Variants in NCKAP5 observed in about 807,000 individuals in gnomAD.
NCKAP5 encodes nck-associated protein 5.
A neutral mutation model predicts 167.0 loss-of-function variants in NCKAP5; 92 were observed. The observed-to-expected ratio is 0.55, with a 90% confidence interval of 0.47 to 0.66. The LOEUF (loss-of-function observed/expected upper bound fraction) is 0.66. NCKAP5 is among the 30% of genes least tolerant of loss of function. NCKAP5 has a pLI of 0.00. For synonymous variants in NCKAP5, 891 were observed against 877.4 expected, an observed-to-expected ratio of 1.02 and a Z score of -0.27; for missense variants, 2,378 against 2,315.0, an observed-to-expected ratio of 1.03 and a Z score of -0.56.
At position 132,783,028 on chromosome 2, in the gene NCKAP5, G is replaced by A. The variant is rs1395430121; in HGVS notation, c.3783C>T (p.His1261=). The A allele has an allele frequency of 1.2e-6, 2 of 1,613,906 alleles. No individual in the cohort carries two copies. Among genetic ancestry groups the A allele is most frequent in the Non-Finnish European group, 1.7e-6 (2 of 1,179,866 alleles). Reference sequence around the variant, plus strand: ...CATTCATACCCAGAGCTGGTTTTAGGTGTGGTTTGCTGGAGGAAAGGGATC... The same window carrying A: ...CATTCATACCCAGAGCTGGTTTTAGATGTGGTTTGCTGGAGGAAAGGGATC... ...MRRSLSSSKP[H]LKPALGMNGA... is the part of the protein sequence containing the mutation. Residue 1261 remains histidine, a synonymous_variant, in exon 14 of 20, where the codon CAC becomes CAT. Coordinates refer to ENST00000409261, the MANE Select transcript of NCKAP5 (RefSeq NM_207363.3).
intron 6 of NCKAP5, among the ~76,000 whole-genome samples, chr2:133,010,763 T>C (rs907150436): frequency 1.3e-5 from 2 of 152,198 alleles, no homozygotes; most frequent in Non-Finnish European, 2.9e-5. Flanking sequence ...AATACAAGCT[T>C]TTATACAGCA....
intron 8 of NCKAP5, among the ~76,000 whole-genome samples, chr2:132,881,937 A>G (rs963524112): frequency 6.6e-6 from 1 of 152,176 alleles, no homozygotes; most frequent in Non-Finnish European, 1.5e-5. Flanking sequence ...CCTTGGTTGC[A>G]TATGGTGACT....
intron 7 of NCKAP5, among the ~76,000 whole-genome samples, chr2:132,983,844 G>C (rs1004535010): frequency 6.6e-6 from 1 of 152,194 alleles, no homozygotes; most frequent in Admixed American, 6.5e-5. Context: ...TTTAGGATTA[G>C]ATAGCCCTTC....
chr2:133,574,754 C>A, the NCKAP5 span, among the ~76,000 whole-genome samples: 1 of 152,056 alleles, frequency 6.6e-6, no homozygotes, highest in African/African-American at 2.4e-5. Flanking sequence ...GAAAAGGCAT[C>A]CTTACAGATC....
rs1383872008 is a variant in NCKAP5, at chr2:132,785,236, T to C, written c.1575A>G (p.Thr525=). 1.3e-6 allele frequency: 2 copies of C among 1,570,744 alleles called. No individual in the cohort carries two copies. Among genetic ancestry groups the C allele is most frequent in the East Asian group, 4.5e-5 (2 of 44,530 alleles). The change falls in exon 14 of 20, where the codon ACA becomes ACG. Residue 525 remains threonine (T), a synonymous_variant. Coordinates refer to ENST00000409261, the MANE Select transcript of NCKAP5 (RefSeq NM_207363.3). The part of the protein sequence containing the change: ...ETNRKHFLEG[T]SSVYPKERPE... ...GCCTTTCCTTGGGATAAACTGAGGA[T>C]GTGCCTTCCAGAAAGTGTTTTCTGT...
At chr2:132,751,564 T>C (rs1317702345) in intron 16 of NCKAP5, among the ~76,000 whole-genome samples, 1 of 152,184 alleles carries the variant, frequency 6.6e-6, no homozygotes, top group Non-Finnish European at 1.5e-5. Context: ...CACTAATGGG[T>C]ATGGTTTATT....
intron 3 of NCKAP5, among the ~76,000 whole-genome samples, chr2:133,448,732 C>A (rs906093751): frequency 2.6e-5 from 4 of 152,156 alleles, no homozygotes; most frequent in Non-Finnish European, 5.9e-5. Context: ...CTTGACCCCC[C>A]AGGCTCAGGA....
intron 3 of NCKAP5, among the ~76,000 whole-genome samples, chr2:133,327,884 C>G (rs989260417): frequency 2.6e-5 from 4 of 152,074 alleles, no homozygotes; most frequent in African/African-American, 9.7e-5. Context: ...TCTGTCATAC[C>G]TGGGAGAGAG....
At chr2:133,134,565 A>G (rs559970643) in intron 5 of NCKAP5, among the ~76,000 whole-genome samples, 5 of 152,348 alleles carry the variant, frequency 3.3e-5, no homozygotes, top group African/African-American at 1.2e-4. Flanking sequence ...TGGAATTCCA[A>G]AATACTTTTC....
At chr2:133,569,345 G>A (rs1474909652), upstream of NCKAP5, among the ~76,000 whole-genome samples, 3 of 151,912 alleles carry the variant, frequency 2.0e-5, no homozygotes, top group Admixed American at 6.6e-5. Context: ...CACGAAGCGC[G>A]AACACTCCAG....
At chr2:133,137,220 GAA>G (rs1174964507) in intron 5 of NCKAP5, among the ~76,000 whole-genome samples, 1 of 152,106 alleles carries the variant, frequency 6.6e-6, no homozygotes, top group Non-Finnish European at 1.5e-5. Flanking sequence ...TAGAAGCAGA[GAA>G]ACAGATAAGG....
At chr2:133,342,482 C>T (rs1295511719) in intron 3 of NCKAP5, among the ~76,000 whole-genome samples, 1 of 151,666 alleles carries the variant, frequency 6.6e-6, no homozygotes, top group Non-Finnish European at 1.5e-5. Flanking sequence ...TCATCTTCAT[C>T]CCATCCAGAG....
intron 3 of NCKAP5, among the ~76,000 whole-genome samples, chr2:133,321,807 C>G (rs995887214): frequency 6.6e-6 from 1 of 152,136 alleles, no homozygotes; most frequent in African/African-American, 2.4e-5. Context: ...TGCATTTAAC[C>G]CTTTTCCTCA....
At chr2:133,262,133 T>C (rs1574529764) in intron 4 of NCKAP5, among the ~76,000 whole-genome samples, 1 of 152,350 alleles carries the variant, frequency 6.6e-6, no homozygotes, top group African/African-American at 2.4e-5. Flanking sequence ...TAACATCTTA[T>C]AAATGCACAT....
chr2:133,606,587 C>T, the NCKAP5 span, among the ~76,000 whole-genome samples: 1 of 152,076 alleles, frequency 6.6e-6, no homozygotes, highest in Non-Finnish European at 1.5e-5. Context: ...TTCTCAAACT[C>T]TAGGATGTAT....
intron 3 of NCKAP5, among the ~76,000 whole-genome samples, chr2:133,435,080 G>A (rs1437629761): frequency 6.6e-6 from 1 of 152,192 alleles, no homozygotes; most frequent in Admixed American, 6.5e-5. Context: ...ATAAGGCCAT[G>A]ACTATTACAC....
intron 6 of NCKAP5, among the ~76,000 whole-genome samples, chr2:133,068,598 A>G (rs1265374501): frequency 6.6e-6 from 1 of 152,060 alleles, no homozygotes; most frequent in Admixed American, 6.6e-5. Context: ...GAGGGACTCG[A>G]CCTCTGGGTC....
intron 7 of NCKAP5, among the ~76,000 whole-genome samples, chr2:132,972,542 G>A (rs1341682935): frequency 6.6e-6 from 1 of 151,954 alleles, no homozygotes; most frequent in South Asian, 2.1e-4. Context: ...TGGCCACCAT[G>A]GTGAAACACC....
intron 5 of NCKAP5, among the ~76,000 whole-genome samples, chr2:133,147,023 A>G (rs755875): frequency 0.21 from 32,617 of 152,132 alleles, 3,689 homozygotes; most frequent in African/African-American, 0.24. Context: ...TTACAGTGAC[A>G]TAAGTCAATG....
Sources: gnomAD v4.1 joint callset for allele counts (sites outside exome capture counted in the v4.1 genomes callset) on GRCh38, gnomAD v4.1.1 for gene constraint, MANE v1.5 for transcripts, NCBI Gene and HGNC (gene_info 2026-07-23, HGNC 2026-07-21) for gene names.